Variants in GTF2F2 observed in about 807,000 individuals in gnomAD.
GTF2F2 encodes the protein general transcription factor IIF subunit 2.
A neutral mutation model predicts 42.2 loss-of-function variants in GTF2F2; 23 were observed. The observed-to-expected ratio is 0.55, with a 90% CI of 0.39 to 0.77. The LOEUF (loss-of-function observed/expected upper bound fraction) is 0.77. GTF2F2 is among the 30% of genes least tolerant of loss of function. GTF2F2 has a pLI of 0.00. For synonymous variants in GTF2F2, 105 were observed against 100.8 expected (o/e 1.04, Z -0.25); for missense variants, 261 against 287.2 (o/e 0.91, Z 0.66).
chr13:45,230,085 A>G (rs1238727617), intron 5 of GTF2F2, among the ~76,000 whole-genome samples: 2 of 152,036 alleles, frequency 1.3e-5, no homozygotes, highest in Admixed American at 1.3e-4. Flanking sequence ...ACGTGGTGGC[A>G]CACACCTGTA....
At chr13:45,167,545 G>A (rs761321154) in intron 4 of GTF2F2, among the ~76,000 whole-genome samples, 8 of 151,530 alleles carry the variant, frequency 5.3e-5, no homozygotes, top group Admixed American at 2.0e-4. Flanking sequence ...CTACAGGTGC[G>A]CACCACCACA....
intron 6 of GTF2F2, among the ~76,000 whole-genome samples, chr13:45,257,688 A>G (rs185005850): frequency 1.1e-4 from 17 of 152,292 alleles, no homozygotes; most frequent in African/African-American, 4.1e-4. Context: ...TATTATATTT[A>G]TATTATTATA....
At chr13:45,173,875 C>T (rs1871729248) in intron 4 of GTF2F2, among the ~76,000 whole-genome samples, 1 of 152,068 alleles carries the variant, frequency 6.6e-6, no homozygotes, top group Admixed American at 6.6e-5. Context: ...CCTCAGCCTC[C>T]CAAAGTGCTG....
intron 4 of GTF2F2, chr13:45,194,291 G>C: frequency 6.2e-7 from 1 of 1,614,120 alleles, no homozygotes; most frequent in Non-Finnish European, 8.5e-7. Context: ...CCATTTCGTA[G>C]GAAGTTTAGG....
At chr13:45,135,632 C>G (rs1566110396) in intron 1 of GTF2F2, among the ~76,000 whole-genome samples, 1 of 152,172 alleles carries the variant, frequency 6.6e-6, no homozygotes. Context: ...TTTCATCCTT[C>G]TATTCCTGAA....
intron 5 of GTF2F2, among the ~76,000 whole-genome samples, chr13:45,216,498 C>G (rs1402610946): frequency 1.3e-5 from 2 of 151,856 alleles, no homozygotes; most frequent in East Asian, 3.9e-4. Flanking sequence ...CTTTTTTAAT[C>G]AAAGTCTTGT....
chr13:45,121,282 G>T lies in GTF2F2; in HGVS notation c.66+561G>T, dbSNP rs116992046. Among the ~76,000 whole-genome samples the T allele has an allele frequency of 2.8e-3, 422 of 152,298 alleles. 2 individuals are homozygous for T. Among genetic ancestry groups the T allele is most frequent in the Non-Finnish European group, 5.2e-3 (354 of 68,024 alleles). On this transcript the variant is annotated intron_variant, in intron 1 of 7. Coordinates refer to ENST00000340473, the MANE Select transcript of GTF2F2 (RefSeq NM_004128.3). The stretch of plus-strand genomic sequence containing the variant: ...GAGCACATTTGGGTCTCGTGAAACT[G>T]GCCGTCAATAAACGTTTTATGTGAA...
intron 1 of GTF2F2, among the ~76,000 whole-genome samples, chr13:45,122,521 C>A (rs9590871): frequency 0.11 from 16,397 of 152,022 alleles, 2,347 homozygotes; most frequent in African/African-American, 0.33. Flanking sequence ...GTAGTCCCAG[C>A]TACTTGGGAG....
chr13:45,134,837 TCA>T (rs1869533239), intron 1 of GTF2F2, among the ~76,000 whole-genome samples: 1 of 152,144 alleles, frequency 6.6e-6, no homozygotes, highest in Non-Finnish European at 1.5e-5. Flanking sequence ...CCTCTGAACC[TCA>T]GTTTTCTCAT....
chr13:45,225,321 TTGAAATCAATCACTTAATGTTTTTCCTTA>T (rs1450490225), intron 5 of GTF2F2, among the ~76,000 whole-genome samples: 2 of 151,876 alleles, frequency 1.3e-5, no homozygotes, highest in Non-Finnish European at 2.9e-5. Flanking sequence ...AACCCTATTT[TTGAAATCAATCACTTAATGTTTTTCCTTA>T]TGACCCTCAT....
chr13:45,220,523 G>T (rs1432426020), intron 5 of GTF2F2, among the ~76,000 whole-genome samples: 1 of 152,018 alleles, frequency 6.6e-6, no homozygotes, highest in African/African-American at 2.4e-5. Flanking sequence ...TACCATATAA[G>T]TATCAGTAGA....
chr13:45,206,284 G>T (rs1042619498), intron 4 of GTF2F2: 1 of 152,098 alleles, frequency 6.6e-6, no homozygotes, highest in Non-Finnish European at 1.5e-5. Flanking sequence ...ACTAAAAAAA[G>T]ATTTTTTAGT....
chr13:45,185,491 T>G (rs1347598948), intron 4 of GTF2F2, among the ~76,000 whole-genome samples: 1 of 152,254 alleles, frequency 6.6e-6, no homozygotes, highest in Non-Finnish European at 1.5e-5. Context: ...CGGTTGTGTT[T>G]GGTTTTAGTT....
intron 5 of GTF2F2, among the ~76,000 whole-genome samples, chr13:45,221,744 T>TGCA (rs1874127457): frequency 6.6e-6 from 1 of 152,138 alleles, no homozygotes; most frequent in African/African-American, 2.4e-5. Context: ...TAAAATAAAA[T>TGCA]GTACAAATCC....
At chr13:45,157,835 C>T (rs549447048) in intron 4 of GTF2F2, among the ~76,000 whole-genome samples, 108 of 152,180 alleles carry the variant, frequency 7.1e-4, no homozygotes, top group African/African-American at 2.4e-3. Flanking sequence ...CCACCTGCCT[C>T]GGCCTCCCAA....
At chr13:45,249,558 G>A (rs1358064792) in intron 5 of GTF2F2, among the ~76,000 whole-genome samples, 1 of 152,196 alleles carries the variant, frequency 6.6e-6, no homozygotes, top group East Asian at 1.9e-4. Context: ...TCAAGTGTAA[G>A]AGTGTGACCA....
intron 4 of GTF2F2, among the ~76,000 whole-genome samples, chr13:45,162,855 G>C (rs1257450143): frequency 6.6e-6 from 1 of 152,144 alleles, no homozygotes; most frequent in Non-Finnish European, 1.5e-5. Flanking sequence ...CCTAACAGCT[G>C]TATTTCATAA....
intron 7 of GTF2F2, among the ~76,000 whole-genome samples, chr13:45,277,804 A>T (rs1282971242): frequency 1.3e-5 from 2 of 152,238 alleles, no homozygotes; most frequent in Non-Finnish European, 2.9e-5. Context: ...GGATCACTTT[A>T]TAAAAAGCAT....
chr13:45,241,743 A>G (rs1038287775), intron 5 of GTF2F2, among the ~76,000 whole-genome samples: 1 of 152,168 alleles, frequency 6.6e-6, no homozygotes, highest in African/African-American at 2.4e-5. Context: ...TTATGATTTG[A>G]AAACCAAATA....
Sources: allele counts gnomAD v4.1 joint callset (sites outside exome capture counted in the v4.1 genomes callset), GRCh38; gene constraint gnomAD v4.1.1; transcripts MANE v1.5; gene names NCBI Gene and HGNC (gene_info 2026-07-23, HGNC 2026-07-21).